The following SEMA5B variants were observed in gnomAD, a reference collection of about 807,000 sequenced individuals.
SEMA5B encodes the protein semaphorin 5B.
SEMA5B carries 66 observed loss-of-function variants against 135.0 expected under a neutral mutation model. That is an observed-to-expected ratio of 0.49 (90% confidence interval 0.40 to 0.60). SEMA5B has a LOEUF of 0.60. Among genes scored for constraint, SEMA5B ranks in the 20% least tolerant of loss-of-function variants. The pLI, the probability that SEMA5B is intolerant of heterozygous loss-of-function variation, is 0.00. For synonymous variants in SEMA5B, 690 were observed against 639.5 expected (o/e 1.08, Z -1.19); for missense variants, 1,501 against 1,566.3 (o/e 0.96, Z 0.70).
At position 122,910,295 on chromosome 3, in the gene SEMA5B, T is replaced by C; in HGVS notation, c.3304A>G (p.Asn1102Asp). 1 of 1,614,054 alleles carries C rather than the reference T, an allele frequency of 6.2e-7. No individual in the cohort carries two copies. Among genetic ancestry groups the C allele is most frequent in the Non-Finnish European group, 8.5e-7 (1 of 1,179,970 alleles). ...TCATCAGGGATCAAGTTATTCTTGT[T>C]CAGGGTCTGTGGGTGGAAGAAGGAA... is the stretch of plus-strand genomic sequence containing the variant. ...KYTPMEFKTL[N>D]KNNLIPDDRA... The change falls in exon 23 of 23, where the codon AAC becomes GAC. Residue 1102 changes from asparagine (N) to aspartate (D), a missense_variant. Transcript: ENST00000357599.
chr3:123,011,919 A>G, intron 1 of SEMA5B, among the ~76,000 whole-genome samples: 1 of 151,854 alleles, frequency 6.6e-6, no homozygotes, highest in East Asian at 1.9e-4. Context: ...CCTGCAGGAA[A>G]CTCTGCCTCC....
chr3:122,985,554 A>T (rs1941672144), intron 1 of SEMA5B, among the ~76,000 whole-genome samples: 1 of 152,110 alleles, frequency 6.6e-6, no homozygotes, highest in Non-Finnish European at 1.5e-5. Context: ...CAGCAACTCC[A>T]GCTTCTGTGA....
At chr3:122,988,448 C>T (rs778508341) in intron 1 of SEMA5B, among the ~76,000 whole-genome samples, 1 of 152,226 alleles carries the variant, frequency 6.6e-6, no homozygotes, top group Non-Finnish European at 1.5e-5. Flanking sequence ...CCACCTGGAT[C>T]CCACTGGAGG....
At chr3:122,983,798 C>CG (rs551788935) in intron 1 of SEMA5B, among the ~76,000 whole-genome samples, 87 of 143,194 alleles carry the variant, frequency 6.1e-4, no homozygotes, top group Middle Eastern at 3.8e-3. Context: ...ATTTAAGAGT[C>CG]GGGCAGGACC....
At position 122,948,680 on chromosome 3, in the gene SEMA5B, T is replaced by C; in HGVS notation, c.154A>G (p.Arg52Gly). 1 of 1,608,176 alleles carries C rather than the reference T, an allele frequency of 6.2e-7. No individual in the cohort carries two copies. Among genetic ancestry groups the C allele is most frequent in the Non-Finnish European group, 8.5e-7 (1 of 1,175,790 alleles). ...ACCATGATAGGCCCCTCTGCAGTCC[T>C]AGCTCCGGGAGGCAGACAGGGGAGA... Reference protein sequence around the residue: ...GLLPCLPPGARTAEGPIMVLA... With the variant: ...GLLPCLPPGAGTAEGPIMVLA... The change falls in exon 3 of 23, where the codon AGG becomes GGG. Residue 52 changes from arginine to glycine, a missense_variant. Arg to Gly is a moderately radical substitution (Grantham distance 125, BLOSUM62 -2). Coordinates refer to ENST00000357599, the MANE Select transcript of SEMA5B (RefSeq NM_001031702.4).
At chr3:122,962,355 A>T (rs1443343642) in intron 1 of SEMA5B, among the ~76,000 whole-genome samples, 1 of 152,232 alleles carries the variant, frequency 6.6e-6, no homozygotes, top group African/African-American at 2.4e-5. Flanking sequence ...GTCTCAGGGA[A>T]GAAGGAGCTA....
chr3:122,961,147 C>A lies in SEMA5B; in HGVS notation c.117G>T (p.Leu39=), dbSNP rs752817225. ...GWTVGGWLLS[L]VRGLLPCLPP... is the part of the protein sequence containing the mutation. ...TCCCCTGGGCACACTTACCCCTGAC[C>A]AGTGAGAGAAGCCAGCCCCCTACTG... Residue 39 remains leucine (L), a synonymous_variant, in exon 2 of 23, where the codon CTG becomes CTT. Transcript: ENST00000357599. 1 of 1,611,778 alleles carries A rather than the reference C, an allele frequency of 6.2e-7. No homozygotes were observed. Among genetic ancestry groups the A allele is most frequent in the Non-Finnish European group, 8.5e-7 (1 of 1,178,654 alleles).
intron 1 of SEMA5B, among the ~76,000 whole-genome samples, chr3:123,026,365 CCT>C (rs559980253): frequency 0.014 from 2,193 of 152,200 alleles, 24 homozygotes; most frequent in Non-Finnish European, 0.023. Context: ...ATCCAGCGCT[CCT>C]CTCTCCCCAT....
intron 1 of SEMA5B, among the ~76,000 whole-genome samples, chr3:122,971,394 C>T (rs544244919): frequency 8.5e-5 from 13 of 152,374 alleles, no homozygotes; most frequent in African/African-American, 3.1e-4. Flanking sequence ...AATCTTTGCT[C>T]TTAGCCAAAG....
At chr3:123,011,527 A>T (rs1042136639) in intron 1 of SEMA5B, among the ~76,000 whole-genome samples, 2 of 152,222 alleles carry the variant, frequency 1.3e-5, no homozygotes. Context: ...ATTCAGGCCC[A>T]GCTGGAAGGT....
Position 122,913,279 on chromosome 3 carries a change from G to A in SEMA5B, c.2426C>T (p.Pro809Leu). Residue 809 changes from proline to leucine, a missense_variant, in exon 17 of 23, where the codon CCG becomes CTG. By Grantham distance (98) the Pro-to-Leu change is moderately conservative (BLOSUM62 -3). Coordinates refer to ENST00000357599, the MANE Select transcript of SEMA5B (RefSeq NM_001031702.4). ...RFTCRAPLADPHGLQFGRRRT... is the reference protein window; with the variant it reads ...RFTCRAPLADLHGLQFGRRRT... ...TCTCCTGCCGAACTGCAGGCCGTGC[G>A]GGTCTGCAAGGGGCGCGCGGCAGGT... 1.3e-6 allele frequency: 2 copies of A among 1,583,356 alleles called. No homozygotes were observed. Among genetic ancestry groups the A allele is most frequent in the South Asian group, 1.1e-5 (1 of 88,190 alleles).
intron 12 of SEMA5B, among the ~76,000 whole-genome samples, chr3:122,920,500 A>T (rs1454956277): frequency 6.6e-6 from 1 of 152,220 alleles, no homozygotes; most frequent in Non-Finnish European, 1.5e-5. Flanking sequence ...GGGCTCCTAA[A>T]TGCATTTGGG....
chr3:123,006,387 A>C (rs1032123717), intron 1 of SEMA5B, among the ~76,000 whole-genome samples: 1 of 152,238 alleles, frequency 6.6e-6, no homozygotes, highest in Non-Finnish European at 1.5e-5. Context: ...ATAGTGGCCC[A>C]CACCACTGAT....
At position 122,928,009 on chromosome 3, in the gene SEMA5B, G is replaced by C. The variant is rs764777493; in HGVS notation, c.637-6C>G. 1 of 1,461,418 alleles carries C rather than the reference G, an allele frequency of 6.8e-7. No homozygotes were observed. Among genetic ancestry groups the C allele is most frequent in the Non-Finnish European group, 9.1e-7 (1 of 1,102,490 alleles). 90.5% of individuals were successfully genotyped at this position (1,461,418 alleles called of 1,614,324 possible). The stretch of plus-strand genomic sequence containing the variant: ...GTCCGGCTGAGGTTCCCCACCTGGG[G>C]ACAATGGGGAGAAGGGGACACTTTT... On this transcript the variant is annotated splice_polypyrimidine_tract_variant and splice_region_variant and intron_variant, in intron 7 of 22. Transcript: ENST00000357599.
At chr3:122,997,521 C>CT (rs1297181977) in intron 1 of SEMA5B, among the ~76,000 whole-genome samples, 7 of 151,766 alleles carry the variant, frequency 4.6e-5, no homozygotes, top group Admixed American at 1.3e-4. Flanking sequence ...AGGCCTCTCC[C>CT]CCCCCCGTCT....
intron 12 of SEMA5B, among the ~76,000 whole-genome samples, chr3:122,916,738 A>G (rs955280837): frequency 3.3e-5 from 5 of 152,134 alleles, no homozygotes; most frequent in Non-Finnish European, 5.9e-5. Context: ...GGTACTGTCC[A>G]TGGTCACCTG....
chr3:122,910,773 G>A, intron 22 of SEMA5B, 67 bp downstream of exon 22: 3 of 1,277,936 alleles, frequency 2.3e-6, no homozygotes, highest in Admixed American at 4.7e-5. Flanking sequence ...TCCCACCACT[G>A]CACTCCAGCC....
chr3:122,952,930 T>TA (rs1188988050), intron 2 of SEMA5B, among the ~76,000 whole-genome samples: 3 of 152,172 alleles, frequency 2.0e-5, no homozygotes, highest in African/African-American at 7.2e-5. Flanking sequence ...TGGTGCCGCC[T>TA]CCTTGCTTAC....
chr3:122,955,191 G>T (rs1382182203), intron 2 of SEMA5B, among the ~76,000 whole-genome samples: 1 of 151,980 alleles, frequency 6.6e-6, no homozygotes, highest in Non-Finnish European at 1.5e-5. Context: ...GGTGGAACCT[G>T]GAATGTTGAA....
Sources: allele counts gnomAD v4.1 joint callset (sites outside exome capture counted in the v4.1 genomes callset), GRCh38; gene constraint gnomAD v4.1.1; transcripts MANE v1.5; gene names NCBI Gene and HGNC (gene_info 2026-07-23, HGNC 2026-07-21).